Variants in MAU2 observed in about 807,000 individuals in gnomAD.
The protein encoded by MAU2 is MAU2 sister chromatid cohesion factor.
In MAU2, 9 loss-of-function variants were observed where a neutral mutation model predicts 89.1. That is an observed-to-expected ratio of 0.10 (90% CI 0.06 to 0.18). The LOEUF (loss-of-function observed/expected upper bound fraction) is 0.18. MAU2 is among the 10% of genes least tolerant of loss of function. The pLI, the probability that MAU2 is intolerant of heterozygous loss-of-function variation, is 1.00. For missense variants in MAU2, 425 were observed against 803.5 expected (o/e 0.53, Z 5.69); for synonymous variants, 357 against 343.4 (o/e 1.04, Z -0.44).
chr19:19,341,000 C>A, intron 6 of MAU2, 127 bp downstream of exon 6: 1 of 1,274,356 alleles, frequency 7.8e-7, no homozygotes, highest in Non-Finnish European at 1.1e-6. Flanking sequence ...GACCCTTAGG[C>A]ACAGTGAGCA....
chr19:19,348,658 C>T, intron 13 of MAU2: 2 of 634,942 alleles, frequency 3.1e-6, no homozygotes, highest in East Asian at 5.5e-5. Context: ...GCCCAGGCCC[C>T]TGTCACCTAC....
intron 1 of MAU2, among the ~76,000 whole-genome samples, chr19:19,326,330 A>C (rs2061503526): frequency 1.3e-5 from 2 of 151,982 alleles, no homozygotes; most frequent in South Asian, 4.1e-4. Context: ...AAGTGGGCAG[A>C]TTGCTTAAGC....
At chr19:19,337,971 T>A (rs1275214667) in intron 4 of MAU2, among the ~76,000 whole-genome samples, 3 of 152,214 alleles carry the variant, frequency 2.0e-5, no homozygotes, top group African/African-American at 2.4e-5. Context: ...CCCATACTTC[T>A]GCACTGGGGA....
chr19:19,349,659 G>A (rs981403647), intron 16 of MAU2, among the ~76,000 whole-genome samples: 3 of 152,190 alleles, frequency 2.0e-5, no homozygotes, highest in African/African-American at 4.8e-5. Flanking sequence ...TGATGGGTGT[G>A]GCCTCAGACA....
intron 17 of MAU2, 102 bp from the exon 18 acceptor site, chr19:19,355,162 A>T: frequency 6.9e-7 from 1 of 1,441,588 alleles, no homozygotes; most frequent in South Asian, 1.2e-5. Context: ...GAGATCCACC[A>T]GTGCAGCTGG....
chr19:19,355,014 TC>T (rs574909506), intron 17 of MAU2: 14 of 451,228 alleles, frequency 3.1e-5, no homozygotes, highest in Non-Finnish European at 5.6e-5. Context: ...GGCCATGGGC[TC>T]CCTGGAGGGC....
At chr19:19,353,132 T>C (rs764335855) in intron 16 of MAU2, 1 of 152,264 alleles carries the variant, frequency 6.6e-6, no homozygotes, top group Non-Finnish European at 1.5e-5. Context: ...TGGGATGCCC[T>C]GTCCTGAGCC....
At chr19:19,328,501 A>C (rs1397505281) in intron 1 of MAU2, among the ~76,000 whole-genome samples, 2 of 150,588 alleles carry the variant, frequency 1.3e-5, no homozygotes, top group Non-Finnish European at 2.9e-5. Flanking sequence ...GGCTCCCTGC[A>C]AGCTCCGTCT....
chr19:19,342,110 CA>C (rs2061653457), intron 7 of MAU2, among the ~76,000 whole-genome samples: 1 of 152,174 alleles, frequency 6.6e-6, no homozygotes, highest in South Asian at 2.1e-4. Flanking sequence ...GCAAGGGCTG[CA>C]GAGACATCCC....
In MAU2 at chr19:19,320,893, G is replaced by A; in HGVS notation, c.34G>A (p.Ala12Thr). 1.3e-6 allele frequency: 2 copies of A among 1,497,542 alleles called. No individual in the cohort carries two copies. Among genetic ancestry groups the A allele is most frequent in the East Asian group, 2.5e-5 (1 of 39,530 alleles). The allele number at this position is 1,497,542 out of a possible 1,614,324, so 92.8% of individuals were successfully genotyped here. ...TCAGGCGGCGGCAGCGGCCCAGGCG[G>A]CGGCGGCCCAGGCTGCGCAGGCCGA... ...AAQAAAAAQA[A>T]AAQAAQAEAA... is the part of the protein sequence containing the mutation. The change falls in exon 1 of 19, where the codon GCG (alanine) becomes ACG (threonine). Residue 12 changes from alanine (A) to threonine (T), a missense_variant. Ala to Thr is a moderately conservative substitution (Grantham distance 58). Coordinates refer to ENST00000262815, the MANE Select transcript of MAU2 (RefSeq NM_015329.4).
chr19:19,345,122 C>T lies in MAU2; in HGVS notation c.1156-182C>T, dbSNP rs1009992204. On this transcript the variant is annotated intron_variant, in intron 11 of 18. Transcript: ENST00000262815. The surrounding 1 kb of genome is among the most constrained non-coding windows in gnomAD (Gnocchi z 4.9). ...CTCCCAGTGAGCATCTTGTCCCACC[C>T]CACATTGGCTTGGGTCTGAAAGGTG... The T allele has an allele frequency of 2.8e-6, 2 of 718,566 alleles. No individual in the cohort carries two copies. The highest frequency in any genetic ancestry group is 4.8e-6 in the Non-Finnish European group (2 of 419,158). The allele number at this position is 718,566 out of a possible 1,614,324, so 44.5% of individuals were successfully genotyped here. A position where few individuals can be genotyped will look rare whatever the true frequency, so the allele number is the denominator to read the frequency against.
intron 14 of MAU2, 23 bp from the exon 15 acceptor site, chr19:19,349,132 G>A: frequency 6.2e-7 from 1 of 1,613,724 alleles, no homozygotes; most frequent in South Asian, 1.1e-5. Flanking sequence ...ACCACCCCAT[G>A]TGATACTGCA....
chr19:19,341,003 A>T, intron 6 of MAU2, 130 bp downstream of exon 6: 1 of 1,268,776 alleles, frequency 7.9e-7, no homozygotes, highest in Admixed American at 2.3e-5. Flanking sequence ...CCTTAGGCAC[A>T]GTGAGCAGCC....
chr19:19,338,872 G>A lies in MAU2; in HGVS notation c.484G>A (p.Val162Met), dbSNP rs763952936. 1 of 1,613,760 alleles carries A rather than the reference G, an allele frequency of 6.2e-7. No individual in the cohort carries two copies. Among genetic ancestry groups the A allele is most frequent in the South Asian group, 1.1e-5 (1 of 91,008 alleles). Residue 162 changes from valine to methionine, a missense_variant, in exon 5 of 19, where the codon GTG (valine) becomes ATG (methionine). By Grantham distance (21) the Val-to-Met change is conservative. This residue lies in a region of MAU2 where 119 missense variants were observed against 299.8 expected (regional missense o/e 0.40). Coordinates refer to ENST00000262815, the MANE Select transcript of MAU2 (RefSeq NM_015329.4). ...AQLHTLEKDL[V>M]SACDLLGVGA... Reference sequence around the variant, plus strand: ...ACTGCACACGCTTGAGAAGGACCTGGTGTCGGCCTGTGACCTCCTGGGTGT... The same window carrying A: ...ACTGCACACGCTTGAGAAGGACCTGATGTCGGCCTGTGACCTCCTGGGTGT...
intron 17 of MAU2, 21 bp from the exon 18 acceptor site, chr19:19,355,242 CA>C: frequency 6.2e-7 from 1 of 1,613,476 alleles, no homozygotes; most frequent in Non-Finnish European, 8.5e-7. Context: ...GGCGGGCCCC[CA>C]TGCTCATGTC....
At chr19:19,344,024 G>A in intron 10 of MAU2, 84 bp downstream of exon 10, 2 of 1,087,876 alleles carry the variant, frequency 1.8e-6, no homozygotes, top group Non-Finnish European at 2.8e-6. Flanking sequence ...AATTCGCCAA[G>A]TGCATACTGG....
chr19:19,324,750 C>T (rs2061490534), intron 1 of MAU2, among the ~76,000 whole-genome samples: 1 of 152,180 alleles, frequency 6.6e-6, no homozygotes, highest in Non-Finnish European at 1.5e-5. Context: ...TAGCTCACGC[C>T]AACTTTATGC....
intron 17 of MAU2, among the ~76,000 whole-genome samples, chr19:19,354,859 G>A (rs893391358): frequency 4.6e-5 from 7 of 152,146 alleles, no homozygotes; most frequent in African/African-American, 9.7e-5. Flanking sequence ...TCCAGATTAC[G>A]AAACTAAGGT....
chr19:19,336,233 C>T (rs1406545151), intron 3 of MAU2, 46 bp downstream of exon 3: 8 of 1,397,482 alleles, frequency 5.7e-6, no homozygotes, highest in African/African-American at 2.8e-5. Flanking sequence ...CTCTCCGTGT[C>T]GCTAAGACAT....
Sources: allele counts gnomAD v4.1 joint callset (sites outside exome capture counted in the v4.1 genomes callset), GRCh38; gene constraint gnomAD v4.1.1; regional missense constraint gnomAD v4.1.1; non-coding constraint Gnocchi (gnomAD v3.1); transcripts MANE v1.5; gene names NCBI Gene and HGNC (gene_info 2026-07-23, HGNC 2026-07-21).